Variants in CDH4 observed in about 807,000 individuals in gnomAD.
CDH4 encodes the protein cadherin 4, also known as cadherin-4.
CDH4 carries 33 observed loss-of-function variants against 86.0 expected under a neutral mutation model. That is an observed-to-expected ratio of 0.38 (90% CI 0.29 to 0.51). CDH4 has a LOEUF of 0.51. Ranked by LOEUF, CDH4 falls within the 20% of genes least tolerant of loss-of-function variation. CDH4 has a pLI of 0.86. For synonymous variants in CDH4, 555 were observed against 549.4 expected (o/e 1.01, Z -0.14); for missense variants, 1,114 against 1,307.4 (o/e 0.85, Z 2.28).
At position 61,631,868 on chromosome 20, in the gene CDH4, G is replaced by A. The variant is rs140736358; in HGVS notation, c.170-111695G>A. 8.6e-3 allele frequency among the ~76,000 whole-genome samples: 1,304 copies of A among 152,338 alleles called. 16 individuals carry two copies. The highest frequency in any genetic ancestry group is 0.017 in the Middle Eastern group (5 of 294). On this transcript the variant is annotated intron_variant, in intron 2 of 15. Coordinates refer to ENST00000614565, the MANE Select transcript of CDH4 (RefSeq NM_001794.5). ...CGGTAGTAAGTGAATGGGGCCCTCA[G>A]GAGGCGTGTCCTCCCTTGCAACTGC...
intron 2 of CDH4, among the ~76,000 whole-genome samples, chr20:61,440,499 A>G (rs1326178225): frequency 2.0e-5 from 3 of 152,246 alleles, no homozygotes; most frequent in East Asian, 1.9e-4. Flanking sequence ...AAGTTTTATT[A>G]AATACAAAAT....
chr20:61,301,517 C>T (rs2084386099), intron 2 of CDH4, among the ~76,000 whole-genome samples: 1 of 152,170 alleles, frequency 6.6e-6, no homozygotes, highest in Non-Finnish European at 1.5e-5. Context: ...CATATGACCT[C>T]CAGAGAGTTT....
chr20:61,680,953 C>T (rs1485839914), intron 2 of CDH4, among the ~76,000 whole-genome samples: 1 of 152,070 alleles, frequency 6.6e-6, no homozygotes, highest in Non-Finnish European at 1.5e-5. Flanking sequence ...GGCTAGCTCT[C>T]TGGGCAGTGA....
intron 2 of CDH4, among the ~76,000 whole-genome samples, chr20:61,726,084 G>A (rs1234101714): frequency 1.3e-5 from 2 of 152,028 alleles, no homozygotes; most frequent in Admixed American, 6.5e-5. Context: ...CAGCCACCAC[G>A]ACCAGGGCCC....
chr20:61,923,774 A>AC (rs11484270), intron 10 of CDH4, 70 bp downstream of exon 10: 818,361 of 1,535,244 alleles, frequency 0.53, 224,264 homozygotes, highest in East Asian at 0.86. Context: ...GTCCAGAAAT[A>AC]CCCCATGAAA....
chr20:61,703,352 A>G lies in CDH4; in HGVS notation c.170-40211A>G, dbSNP rs2087796071. Among the ~76,000 whole-genome samples, 2 of 152,216 alleles carry G rather than the reference A, an allele frequency of 1.3e-5. No homozygotes were observed. Among genetic ancestry groups the G allele is most frequent in the African/African-American group, 2.4e-5 (1 of 41,460 alleles). ...ACACCACGAGTGTCATGGAGAAAAT[A>G]GGCCTGGCAGGATGGACACAGTTGA... On this transcript the variant is annotated intron_variant, in intron 2 of 15. Transcript: ENST00000614565. The surrounding 1 kb of genome is among the most constrained non-coding windows in gnomAD (Gnocchi z 4.3).
intron 3 of CDH4, among the ~76,000 whole-genome samples, chr20:61,758,019 G>A (rs1184220362): frequency 5.3e-5 from 8 of 152,304 alleles, no homozygotes; most frequent in East Asian, 1.9e-4. Context: ...GACAGAGGAC[G>A]CTGCAATGTG....
At chr20:61,302,713 C>T (rs995929471) in intron 2 of CDH4, among the ~76,000 whole-genome samples, 1 of 152,172 alleles carries the variant, frequency 6.6e-6, no homozygotes. Flanking sequence ...GGAGGTAGAA[C>T]AGGGACCCCC....
chr20:61,806,884 G>A (rs139286859), intron 4 of CDH4, among the ~76,000 whole-genome samples: 18 of 152,286 alleles, frequency 1.2e-4, no homozygotes, highest in African/African-American at 4.3e-4. Context: ...GCTGGGGAGG[G>A]GTGGCCACAG....
chr20:61,789,424 A>G (rs1410335287), intron 4 of CDH4, among the ~76,000 whole-genome samples: 1 of 152,186 alleles, frequency 6.6e-6, no homozygotes, highest in Non-Finnish European at 1.5e-5. Flanking sequence ...GCATGTCAGA[A>G]AAGGGGAGGG....
At chr20:61,936,357 CCCCACACCCCCTCCCCT>C (rs1172559086) in intron 15 of CDH4, among the ~76,000 whole-genome samples, 2 of 13,638 alleles carry the variant, frequency 1.5e-4, no homozygotes, top group African/African-American at 4.1e-4. Context: ...CACACCCCTT[CCCCACACCCCCTCCCCT>C]TCCCCCACAC....
chr20:61,903,372 C>T (rs6089546), intron 8 of CDH4, among the ~76,000 whole-genome samples: 109,969 of 151,644 alleles, frequency 0.73, 43,127 homozygotes, highest in Non-Finnish European at 0.88. Flanking sequence ...ATGGTGAAAC[C>T]CCGTCTCTAC....
chr20:61,326,187 G>T (rs754953830), intron 2 of CDH4, among the ~76,000 whole-genome samples: 1 of 152,150 alleles, frequency 6.6e-6, no homozygotes, highest in African/African-American at 2.4e-5. Flanking sequence ...ATATGCCACC[G>T]TTTGCATACT....
intron 7 of CDH4, among the ~76,000 whole-genome samples, chr20:61,880,383 G>GA (rs1035393340): frequency 3.3e-5 from 5 of 151,476 alleles, no homozygotes; most frequent in African/African-American, 7.3e-5. Flanking sequence ...TTGTCTTGCA[G>GA]AAAAAAAAAT....
At position 61,252,638 on chromosome 20, in the gene CDH4, G is replaced by A. The variant is rs542893109; in HGVS notation, c.57+68G>A. On this transcript the variant is annotated intron_variant, in intron 1 of 15. Coordinates refer to ENST00000614565, the MANE Select transcript of CDH4 (RefSeq NM_001794.5). The surrounding 1 kb of genome is among the most constrained non-coding windows in gnomAD (Gnocchi z 4.4). Reference sequence around the variant, plus strand: ...CAGCGGGAGGTCGTCCCCGGATCCCGCGGGGCGCTCACACACCCGGCGGGG... The same window carrying A: ...CAGCGGGAGGTCGTCCCCGGATCCCACGGGGCGCTCACACACCCGGCGGGG... 1,193 of 996,298 alleles carry A rather than the reference G, an allele frequency of 1.2e-3. 2 individuals are homozygous for A. The highest frequency in any genetic ancestry group is 9.0e-3 in the African/African-American group (528 of 58,872). 61.7% of individuals were successfully genotyped at this position (996,298 alleles called of 1,614,324 possible).
intron 2 of CDH4, among the ~76,000 whole-genome samples, chr20:61,281,139 G>A (rs866980171): frequency 1.3e-5 from 2 of 152,202 alleles, no homozygotes; most frequent in South Asian, 2.1e-4. Context: ...GGAGAGGACC[G>A]TGCTTGGCTC....
Position 61,816,698 on chromosome 20 carries a change from C to T in CDH4, c.577-27970C>T, listed in dbSNP as rs77884913. Among the ~76,000 whole-genome samples, 22 of 149,506 alleles carry T rather than the reference C, an allele frequency of 1.5e-4. No individual in the cohort carries two copies. In the South Asian group the frequency reaches 3.4e-3, roughly 23 times the overall value. The stretch of plus-strand genomic sequence containing the variant: ...GAATCGCACGTTAAATGGGGGGGGG[C>T]GGTTTGTGGGTTTGCCAAGGGGGCA... On this transcript the variant is annotated intron_variant, in intron 4 of 15. Coordinates refer to ENST00000614565, the MANE Select transcript of CDH4 (RefSeq NM_001794.5).
chr20:61,932,293 A>C (rs749336560), intron 13 of CDH4, among the ~76,000 whole-genome samples: 123 of 152,264 alleles, frequency 8.1e-4, no homozygotes, highest in Non-Finnish European at 1.3e-3. Flanking sequence ...AGGGGAGTGC[A>C]AGAGGAGGGC....
chr20:61,927,700 G>A (rs933414904), intron 11 of CDH4, among the ~76,000 whole-genome samples: 1 of 152,228 alleles, frequency 6.6e-6, no homozygotes, highest in Admixed American at 6.5e-5. Flanking sequence ...GGCCAGTGCA[G>A]AGCCCAGCAC....
Sources: allele counts gnomAD v4.1 joint callset (sites outside exome capture counted in the v4.1 genomes callset), GRCh38; gene constraint gnomAD v4.1.1; non-coding constraint Gnocchi (gnomAD v3.1); transcripts MANE v1.5; gene names NCBI Gene and HGNC (gene_info 2026-07-23, HGNC 2026-07-21).